Variants in ARID3A observed in about 807,000 individuals in gnomAD.
ARID3A encodes the protein AT-rich interaction domain 3A, also known as AT-rich interactive domain-containing protein 3A.
A neutral mutation model predicts 52.7 loss-of-function variants in ARID3A; 11 were observed. The observed-to-expected ratio is 0.21, with a 90% CI of 0.13 to 0.35. The LOEUF is 0.35. Ranked by LOEUF, ARID3A falls within the 10% of genes least tolerant of loss-of-function variation. The pLI is 1.00. For missense variants in ARID3A, 721 were observed against 838.5 expected, an observed-to-expected ratio of 0.86 and a Z score of 1.73; for synonymous variants, 404 against 359.4, an observed-to-expected ratio of 1.12 and a Z score of -1.40.
At chr19:952,441 C>CAAAAAAAA (rs10663796) in intron 3 of ARID3A, among the ~76,000 whole-genome samples, 1 of 59,768 alleles carries the variant, frequency 1.7e-5, no homozygotes. Context: ...GACCCTGTCT[C>CAAAAAAAA]AAAAAAAAAA....
At chr19:963,292 C>T (rs1255604457) in intron 4 of ARID3A, among the ~76,000 whole-genome samples, 1 of 152,236 alleles carries the variant, frequency 6.6e-6, no homozygotes, top group African/African-American at 2.4e-5. Flanking sequence ...CTGGTCTTCA[C>T]TGAGCGCCTA....
At chr19:952,073 G>A (rs111493573) in intron 3 of ARID3A, among the ~76,000 whole-genome samples, 5,708 of 152,030 alleles carry the variant, frequency 0.038, 233 homozygotes, top group East Asian at 0.17. Context: ...CCCGGGAGGC[G>A]GAGGTTGCAG....
At chr19:963,362 CTG>C (rs1034435502) in intron 4 of ARID3A, among the ~76,000 whole-genome samples, 1 of 152,204 alleles carries the variant, frequency 6.6e-6, no homozygotes, top group African/African-American at 2.4e-5. Context: ...GGGCCACAGA[CTG>C]TACACAATTG....
chr19:965,354 T>A, intron 6 of ARID3A: 1 of 428,216 alleles, frequency 2.3e-6, no homozygotes, highest in Non-Finnish European at 4.2e-6. Context: ...AATTGATCAC[T>A]GTTTTTCCAG....
intron 3 of ARID3A, among the ~76,000 whole-genome samples, chr19:950,293 G>T (rs1617986): frequency 0.13 from 435 of 3,242 alleles, 46 homozygotes; most frequent in African/African-American, 0.3. Flanking sequence ...GTCCCCAGAG[G>T]GAACGGATGG....
In ARID3A at chr19:964,493, GC is replaced by G; in HGVS notation, c.950+64del. On this transcript the variant is annotated intron_variant, in intron 5 of 8. Transcript: ENST00000263620. The surrounding 1 kb of genome is among the most constrained non-coding windows in gnomAD (Gnocchi z 5.7). Reference sequence around the variant, plus strand: ...GCACTCTGAGCAGCCAGTGCAAGGGGCCTGCAGAAGAGGGAGGGGGTGGTGG... The same window carrying G: ...GCACTCTGAGCAGCCAGTGCAAGGGGCTGCAGAAGAGGGAGGGGGTGGTGG... 6.7e-7 allele frequency: 1 copy of G among 1,501,632 alleles called. No individual in the cohort carries two copies. Among genetic ancestry groups the G allele is most frequent in the Non-Finnish European group, 8.9e-7 (1 of 1,119,956 alleles). The allele number at this position is 1,501,632 out of a possible 1,614,324, so 93.0% of individuals were successfully genotyped here. A position where few individuals can be genotyped will look rare whatever the true frequency, so the allele number is the denominator to read the frequency against.
At position 938,893 on chromosome 19, in the gene ARID3A, T is replaced by C. The variant is rs2037488319; in HGVS notation, c.693+6151T>C. On this transcript the variant is annotated intron_variant, in intron 3 of 8. Transcript: ENST00000263620. The surrounding 1 kb of genome is among the most constrained non-coding windows in gnomAD (Gnocchi z 4.0). ...TTTTCAGCTCATTTGTTTTTTTTAA[T>C]TGTGGAAAATACACATAGATACATT... Among the ~76,000 whole-genome samples the C allele has an allele frequency of 6.6e-6, 1 of 151,748 alleles. No homozygotes were observed. Among genetic ancestry groups the C allele is most frequent in the South Asian group, 2.1e-4 (1 of 4,818 alleles).
In ARID3A at chr19:973,452, A is replaced by G; in HGVS notation, c.*1387A>G. The G allele has an allele frequency of 4.8e-6, 1 of 208,374 alleles. No homozygotes were observed. Among genetic ancestry groups the G allele is most frequent in the Non-Finnish European group, 9.8e-6 (1 of 102,128 alleles). 12.9% of individuals were successfully genotyped at this position (208,374 alleles called of 1,614,324 possible). A position where few individuals can be genotyped will look rare whatever the true frequency, so the allele number is the denominator to read the frequency against. Reference sequence around the variant, plus strand: ...TATCTAAAAAGTAGCAAGTGCTGGAAAAAGGGCCTGGGGGGCGGGGGTGGT... The same window carrying G: ...TATCTAAAAAGTAGCAAGTGCTGGAGAAAGGGCCTGGGGGGCGGGGGTGGT... On this transcript the variant is annotated 3_prime_UTR_variant, in exon 9 of 9. Transcript: ENST00000263620.
intron 3 of ARID3A, among the ~76,000 whole-genome samples, chr19:958,916 G>T (rs566049959): frequency 2.0e-5 from 3 of 152,192 alleles, no homozygotes; most frequent in African/African-American, 7.2e-5. Context: ...CATATTTCTT[G>T]TGCACCTTTT....
chr19:933,676 G>A (rs1237469008), intron 3 of ARID3A, among the ~76,000 whole-genome samples: 2 of 152,130 alleles, frequency 1.3e-5, no homozygotes, highest in Non-Finnish European at 2.9e-5. Flanking sequence ...ACCCAGGGGG[G>A]CCTCCCCGGG....
intron 6 of ARID3A, 111 bp from the exon 7 acceptor site, chr19:966,458 CAAA>C (rs71335324): frequency 0.012 from 7,949 of 675,270 alleles, no homozygotes; most frequent in South Asian, 0.018. Context: ...AACTCCGTCT[CAAA>C]AAAAAAAAAA....
intron 3 of ARID3A, among the ~76,000 whole-genome samples, chr19:953,051 G>T (rs2037835628): frequency 1.3e-5 from 2 of 152,152 alleles, no homozygotes; most frequent in African/African-American, 4.8e-5. Flanking sequence ...AAACCTCTGG[G>T]GTCTTTTTCT....
Position 929,385 on chromosome 19 carries a change from A to G in ARID3A, c.-144A>G. The stretch of plus-strand genomic sequence containing the variant: ...GCGGCCCCCGCCCCCGCCCCCTGCC[A>G]CCCTGCACTGCCCCGGCTCCCCCGC... On this transcript the variant is annotated 5_prime_UTR_variant, in exon 2 of 9. Transcript: ENST00000263620. This position sits in a 1 kb window ranked among gnomAD's most constrained non-coding sequence, Gnocchi z 6.2. 3.2e-6 allele frequency: 1 copy of G among 316,434 alleles called. No individual in the cohort carries two copies. Among genetic ancestry groups the G allele is most frequent in the Non-Finnish European group, 4.3e-6 (1 of 230,012 alleles). 19.6% of individuals were successfully genotyped at this position (316,434 alleles called of 1,614,324 possible).
Position 929,434 on chromosome 19 carries a change from G to T in ARID3A, c.-95G>T. On this transcript the variant is annotated 5_prime_UTR_variant, in exon 2 of 9. Transcript: ENST00000263620. This position sits in a 1 kb window ranked among gnomAD's most constrained non-coding sequence, Gnocchi z 6.2. ...GCGGCCCCCACGCTGCAGTGCGGCC[G>T]GGCCCCCTCCCCGCAGGGGCCGCCC... is the stretch of plus-strand genomic sequence containing the variant. The T allele has an allele frequency of 1.7e-6, 2 of 1,177,470 alleles. No individual in the cohort carries two copies. Among genetic ancestry groups the T allele is most frequent in the Non-Finnish European group, 1.1e-6 (1 of 936,084 alleles). 72.9% of individuals were successfully genotyped at this position (1,177,470 alleles called of 1,614,324 possible). A position where few individuals can be genotyped will look rare whatever the true frequency, so the allele number is the denominator to read the frequency against.
rs552998018 is a variant in ARID3A, at chr19:973,715, G to A, written c.*1650G>A. 2.2e-5 allele frequency: 5 copies of A among 227,528 alleles called. No individual in the cohort carries two copies. Among genetic ancestry groups the A allele is most frequent in the South Asian group, 1.8e-4 (1 of 5,480 alleles). 14.1% of individuals were successfully genotyped at this position (227,528 alleles called of 1,614,324 possible). A position where few individuals can be genotyped will look rare whatever the true frequency, so the allele number is the denominator to read the frequency against. On this transcript the variant is annotated 3_prime_UTR_variant, in exon 9 of 9. Coordinates refer to ENST00000263620, the MANE Select transcript of ARID3A (RefSeq NM_005224.3). The stretch of plus-strand genomic sequence containing the variant: ...CCAACCCCTTTTGTGCTGGGGCTGC[G>A]AGCTCCCCGAGTTCTGCGGTGACTA...
rs144238097 is a variant in ARID3A at position 974,272 on chromosome 19, GAC to G, written c.*2214_*2215del. On this transcript the variant is annotated 3_prime_UTR_variant, in exon 9 of 9. Transcript: ENST00000263620. ...TTCCTTCTCGGATCTCAGGGCCGTGGACACACACCCCCTTTCCAGGAGGGGGT... is the reference window on the plus strand; with the variant it reads ...TTCCTTCTCGGATCTCAGGGCCGTGGACACACCCCCTTTCCAGGAGGGGGT... The G allele has an allele frequency of 3.2e-3, 737 of 228,338 alleles. 7 individuals are homozygous for G. Among genetic ancestry groups the G allele is most frequent in the African/African-American group, 0.015 (680 of 45,110 alleles). 14.1% of individuals were successfully genotyped at this position (228,338 alleles called of 1,614,324 possible). A position where few individuals can be genotyped will look rare whatever the true frequency, so the allele number is the denominator to read the frequency against.
Position 964,836 on chromosome 19 carries a change from C to G in ARID3A, c.954C>G (p.Tyr318Ter). Reference protein sequence around the residue: ...TSAAFTLRTQYMKYLYPYECE... With the variant: ...TSAAFTLRTQ ...TCTTCCCTCGTCCCACCCACAGATA[C>G]ATGAAGTACCTGTACCCCTACGAGT... Residue 318 changes from tyrosine to a stop codon, truncating the protein, a stop_gained, in exon 6 of 9, where the codon TAC becomes TAG. Transcript: ENST00000263620. LOFTEE classifies it high-confidence loss of function. The surrounding 1 kb of genome is among the most constrained non-coding windows in gnomAD (Gnocchi z 5.7). 1 of 1,612,122 alleles carries G rather than the reference C, an allele frequency of 6.2e-7. No homozygotes were observed. The highest frequency in any genetic ancestry group is 1.1e-5 in the South Asian group (1 of 91,054).
In ARID3A at chr19:944,590, G is replaced by A. The variant is rs1244135823; in HGVS notation, c.693+11848G>A. Among the ~76,000 whole-genome samples, 1 of 152,166 alleles carries A rather than the reference G, an allele frequency of 6.6e-6. No individual in the cohort carries two copies. Among genetic ancestry groups the A allele is most frequent in the African/African-American group, 2.4e-5 (1 of 41,448 alleles). On this transcript the variant is annotated intron_variant, in intron 3 of 8. Transcript: ENST00000263620. This position sits in a 1 kb window ranked among gnomAD's most constrained non-coding sequence, Gnocchi z 5.9. ...CCCGACCCCGGCCCTGGGAGGGCCC[G>A]ACTGCCAGCCTGGCTGAACCTCCTT...
At position 974,913 on chromosome 19, in the gene ARID3A, G is replaced by T; in HGVS notation, c.*2848G>T. 4.4e-6 allele frequency: 1 copy of T among 227,796 alleles called. No individual in the cohort carries two copies. Among genetic ancestry groups the T allele is most frequent in the Middle Eastern group, 1.3e-3 (1 of 756 alleles). 14.1% of individuals were successfully genotyped at this position (227,796 alleles called of 1,614,324 possible). A position where few individuals can be genotyped will look rare whatever the true frequency, so the allele number is the denominator to read the frequency against. ...AGGCTGGGTCCCGGCCCAGGAGAAG[G>T]AAGTCGCTGAAGGCAGTGGCCATGC... On this transcript the variant is annotated 3_prime_UTR_variant, in exon 9 of 9. Coordinates refer to ENST00000263620, the MANE Select transcript of ARID3A (RefSeq NM_005224.3).
Sources: gnomAD v4.1 joint callset for allele counts (sites outside exome capture counted in the v4.1 genomes callset) on GRCh38, gnomAD v4.1.1 for gene constraint, Gnocchi (gnomAD v3.1) non-coding constraint, MANE v1.5 for transcripts, NCBI Gene and HGNC (gene_info 2026-07-23, HGNC 2026-07-21) for gene names.